Variants in SPOCK2 observed in about 807,000 individuals in gnomAD.
SPOCK2 encodes testican-2.
SPOCK2 carries 39 observed loss-of-function variants against 60.1 expected under a neutral mutation model. The observed-to-expected ratio is 0.65, with a 90% CI of 0.50 to 0.85. SPOCK2 has a LOEUF of 0.85. SPOCK2 is among the 40% of genes least tolerant of loss of function. The probability of loss-of-function intolerance (pLI) is 0.00; values close to 1 mark genes in which losing one functional copy is unlikely to be tolerated. For missense variants in SPOCK2, 523 were observed against 567.4 expected (o/e 0.92, Z 0.80); for synonymous variants, 217 against 231.5 (o/e 0.94, Z 0.57).
intron 1 of SPOCK2, among the ~76,000 whole-genome samples, chr10:72,078,885 C>T (rs904879777): frequency 3.9e-5 from 6 of 152,218 alleles, no homozygotes; most frequent in African/African-American, 7.2e-5. Flanking sequence ...TGCCTCACTC[C>T]GCCCTAGTTA....
At chr10:72,085,335 C>T (rs183977109) in intron 1 of SPOCK2, among the ~76,000 whole-genome samples, 3 of 152,272 alleles carry the variant, frequency 2.0e-5, no homozygotes, top group Admixed American at 6.5e-5. Flanking sequence ...TAGAAGAGAT[C>T]GACCCAGGCA....
chr10:72,065,542 C>G (rs928608040), intron 8 of SPOCK2, among the ~76,000 whole-genome samples: 9 of 152,220 alleles, frequency 5.9e-5, no homozygotes, highest in African/African-American at 2.2e-4. Context: ...CAGAATGTAT[C>G]CCCCTCGTCA....
In SPOCK2 at chr10:72,066,503, AT is replaced by A. The variant is rs34886842; in HGVS notation, c.928+398del. Among the ~76,000 whole-genome samples, 307 of 123,980 alleles carry A rather than the reference AT, an allele frequency of 2.5e-3. 1 individual carries two copies. The highest frequency in any genetic ancestry group is 5.2e-3 in the African/African-American group (168 of 32,070). 81.3% of individuals were successfully genotyped at this position (123,980 alleles called of 152,430 possible). A position where few individuals can be genotyped will look rare whatever the true frequency, so the allele number is the denominator to read the frequency against. On this transcript the variant is annotated intron_variant, in intron 8 of 10. Coordinates refer to ENST00000373109, the MANE Select transcript of SPOCK2 (RefSeq NM_001244950.2). Reference sequence around the variant, plus strand: ...CAAATGCATGCCACCATGCCTGGCTATTTTTTTTTTTTTTTTTCACAGAGAG... The same window carrying A: ...CAAATGCATGCCACCATGCCTGGCTATTTTTTTTTTTTTTTTCACAGAGAG...
intron 1 of SPOCK2, among the ~76,000 whole-genome samples, chr10:72,075,580 G>T (rs912793052): frequency 3.3e-5 from 5 of 152,216 alleles, no homozygotes; most frequent in African/African-American, 9.7e-5. Flanking sequence ...AAGAATTTAT[G>T]ATTAGAAATT....
chr10:72,086,519 T>A, intron 1 of SPOCK2: 1 of 1,121,106 alleles, frequency 8.9e-7, no homozygotes, highest in Non-Finnish European at 1.1e-6. Flanking sequence ...CAGTGACACA[T>A]GGATTCCGGA....
chr10:72,071,163 C>G (rs1840642035), intron 4 of SPOCK2, among the ~76,000 whole-genome samples: 1 of 151,900 alleles, frequency 6.6e-6, no homozygotes, highest in Non-Finnish European at 1.5e-5. Flanking sequence ...TGGGCTGGAG[C>G]TAAGACTTCC....
At chr10:72,079,360 G>A (rs1353891430) in intron 1 of SPOCK2, among the ~76,000 whole-genome samples, 1 of 152,186 alleles carries the variant, frequency 6.6e-6, no homozygotes, top group South Asian at 2.1e-4. Context: ...TTGCAGCCAG[G>A]AGAGGAGGGT....
chr10:72,072,686 C>T, intron 2 of SPOCK2, 138 bp from the exon 3 acceptor site: 1 of 1,392,980 alleles, frequency 7.2e-7, no homozygotes. Flanking sequence ...GACCCCTGTC[C>T]ACCCAGGCCC....
At chr10:72,086,305 A>T (rs1393409499) in intron 1 of SPOCK2, 3 of 989,874 alleles carry the variant, frequency 3.0e-6, no homozygotes, top group Non-Finnish European at 3.6e-6. Context: ...ACAGGTGGGT[A>T]GCCCAGTGCC....
rs188331474 is a variant in SPOCK2 at position 72,076,668 on chromosome 10, C to A, written c.190-3758G>T. On this transcript the variant is annotated intron_variant, in intron 1 of 10. Transcript: ENST00000373109. Reference sequence around the variant, plus strand: ...TCCTGGGCTCAGGCAGTCCTCCTGCCTTAGACTCCTACAGTGCTGAGATTA... The same window carrying A: ...TCCTGGGCTCAGGCAGTCCTCCTGCATTAGACTCCTACAGTGCTGAGATTA... 3.3e-5 allele frequency among the ~76,000 whole-genome samples: 5 copies of A among 152,344 alleles called. No individual in the cohort carries two copies. In the East Asian group the frequency reaches 7.7e-4, roughly 23 times the overall value.
chr10:72,073,385 AC>A (rs1264188633), intron 1 of SPOCK2, among the ~76,000 whole-genome samples: 1 of 151,888 alleles, frequency 6.6e-6, no homozygotes, highest in Non-Finnish European at 1.5e-5. Context: ...TGGGAGGAAG[AC>A]CCCCTCACCC....
rs1840465298 is a variant in SPOCK2 at position 72,059,573 on chromosome 10, G to A, written c.*3187C>T. The A allele has an allele frequency of 6.6e-6, 1 of 152,272 alleles. No homozygotes were observed. The highest frequency in any genetic ancestry group is 1.5e-5 in the Non-Finnish European group (1 of 68,078). The allele number at this position is 152,272 out of a possible 1,614,324, so 9.4% of individuals were successfully genotyped here. A position where few individuals can be genotyped will look rare whatever the true frequency, so the allele number is the denominator to read the frequency against. ...GCCATTTGTTCTCCCCAGGGGCTGAGGGCTCGGGCTTTGGTGAAGCAGAGG... is the reference window on the plus strand; with the variant it reads ...GCCATTTGTTCTCCCCAGGGGCTGAAGGCTCGGGCTTTGGTGAAGCAGAGG... On this transcript the variant is annotated 3_prime_UTR_variant, in exon 11 of 11. Coordinates refer to ENST00000373109, the MANE Select transcript of SPOCK2 (RefSeq NM_001244950.2).
In SPOCK2 at chr10:72,067,050, A is replaced by C. The variant is rs2306323; in HGVS notation, c.780T>G (p.Ser260Arg). 3.4e-5 allele frequency: 55 copies of C among 1,614,076 alleles called. No individual in the cohort carries two copies. In the East Asian group the frequency reaches 1.2e-3, roughly 36 times the overall value. Residue 260 changes from serine to arginine, a missense_variant, in exon 8 of 11, where the codon AGT (serine) becomes AGG (arginine). Ser to Arg is a moderately radical substitution (Grantham distance 110, BLOSUM62 -1). Transcript: ENST00000373109. ...CCGTCTGGTCCAGGAAGAGGTCAGC[A>C]CTGGTGTCCAGCTTGGAGAACATCC... ...IGWMFSKLDTSADLFLDQTEL... is the reference protein window; with the variant it reads ...IGWMFSKLDTRADLFLDQTEL...
chr10:72,067,062 C>T lies in SPOCK2; in HGVS notation c.768G>A (p.Lys256=). 1 of 1,614,218 alleles carries T rather than the reference C, an allele frequency of 6.2e-7. No homozygotes were observed. Among genetic ancestry groups the T allele is most frequent in the Non-Finnish European group, 8.5e-7 (1 of 1,180,040 alleles). Residue 256 remains lysine (K), a synonymous_variant, in exon 8 of 11, where the codon AAG becomes AAA. Coordinates refer to ENST00000373109, the MANE Select transcript of SPOCK2 (RefSeq NM_001244950.2). The part of the protein sequence containing the change: ...CKDSIGWMFS[K]LDTSADLFLD... ...GGAAGAGGTCAGCACTGGTGTCCAG[C>T]TTGGAGAACATCCAGCCAATGGAGT...
At chr10:72,073,003 T>G in intron 1 of SPOCK2, 93 bp from the exon 2 acceptor site, 12 of 1,533,170 alleles carry the variant, frequency 7.8e-6, no homozygotes, top group Non-Finnish European at 1.1e-5. Flanking sequence ...CCTCTGGTGT[T>G]CCTGGGGTCC....
chr10:72,075,447 C>A (rs1286549863), intron 1 of SPOCK2, among the ~76,000 whole-genome samples: 2 of 152,218 alleles, frequency 1.3e-5, no homozygotes, highest in East Asian at 3.9e-4. Context: ...TGGGTGTCAT[C>A]TGAGGCCCCT....
chr10:72,067,074 C>T lies in SPOCK2; in HGVS notation c.756G>A (p.Trp252Ter). 1.9e-6 allele frequency: 3 copies of T among 1,614,200 alleles called. No homozygotes were observed. Among genetic ancestry groups the T allele is most frequent in the Non-Finnish European group, 1.7e-6 (2 of 1,180,042 alleles). Residue 252 changes from tryptophan to a stop codon, truncating the protein, a stop_gained, in exon 8 of 11, where the codon TGG becomes TGA. Coordinates refer to ENST00000373109, the MANE Select transcript of SPOCK2 (RefSeq NM_001244950.2). LOFTEE classifies it high-confidence loss of function. ...LGASCKDSIGWMFSKLDTSAD... is the reference protein window; with the variant it reads ...LGASCKDSIG ...CACTGGTGTCCAGCTTGGAGAACAT[C>T]CAGCCAATGGAGTCCTTGCAGCTGG...
Position 72,062,847 on chromosome 10 carries a change from C to T in SPOCK2, c.1188G>A (p.Glu396=). 1 of 1,606,816 alleles carries T rather than the reference C, an allele frequency of 6.2e-7. No individual in the cohort carries two copies. Among genetic ancestry groups the T allele is most frequent in the South Asian group, 1.1e-5 (1 of 90,492 alleles). ...FGSGVGWEDE[E]EKETEEAGEE... ...CGCCTGCTTCCTCCGTCTCCTTCTCCTCCTCATCCTCCCAGCCGACACCGC... is the reference window on the plus strand; with the variant it reads ...CGCCTGCTTCCTCCGTCTCCTTCTCTTCCTCATCCTCCCAGCCGACACCGC... The change falls in exon 11 of 11, where the codon GAG becomes GAA. Residue 396 remains glutamate, a synonymous_variant. Coordinates refer to ENST00000373109, the MANE Select transcript of SPOCK2 (RefSeq NM_001244950.2). This position sits in a 1 kb window ranked among gnomAD's most constrained non-coding sequence, Gnocchi z 4.3.
At chr10:72,073,587 C>T (rs1472469345) in intron 1 of SPOCK2, among the ~76,000 whole-genome samples, 1 of 152,160 alleles carries the variant, frequency 6.6e-6, no homozygotes, top group South Asian at 2.1e-4. Flanking sequence ...CCCTTTGTGC[C>T]GGAGAAAGCC....
Sources: allele counts gnomAD v4.1 joint callset (sites outside exome capture counted in the v4.1 genomes callset), GRCh38; gene constraint gnomAD v4.1.1; non-coding constraint Gnocchi (gnomAD v3.1); transcripts MANE v1.5; gene names NCBI Gene and HGNC (gene_info 2026-07-23, HGNC 2026-07-21).